PARD3B: variants seen among roughly 807,000 people sequenced by gnomAD.
PARD3B encodes par-3 family cell polarity regulator beta, also known as partitioning defective 3 homolog B.
In PARD3B, 103 loss-of-function variants were observed where a neutral mutation model predicts 130.2. The ratio of observed to expected loss-of-function variants is 0.79; its 90% CI spans 0.67 to 0.93. The LOEUF (loss-of-function observed/expected upper bound fraction) is 0.93, where lower values mean the gene tolerates loss of function less well. Ranked by LOEUF, PARD3B falls within the 40% of genes least tolerant of loss-of-function variation. The pLI is 0.00. For missense variants in PARD3B, 1,609 were observed against 1,499.2 expected (o/e 1.07, Z -1.21); for synonymous variants, 583 against 553.2 (o/e 1.05, Z -0.76).
intron 4 of PARD3B, among the ~76,000 whole-genome samples, chr2:205,081,402 T>C (rs1233036232): frequency 6.6e-6 from 1 of 152,120 alleles, no homozygotes; most frequent in Non-Finnish European, 1.5e-5. Context: ...TATTACTTTC[T>C]AGTCTATGCC....
rs1270584016 is a variant in PARD3B, at chr2:205,619,694, A to G, written c.*3881A>G. ...GTTAGATATCTAAAATAAGCCTAGA[A>G]TCTCACACACAGCTGTGACTTCTAA... On this transcript the variant is annotated 3_prime_UTR_variant, in exon 23 of 23. Transcript: ENST00000406610. The G allele has an allele frequency of 6.6e-6, 1 of 152,214 alleles. No homozygotes were observed. The highest frequency in any genetic ancestry group is 1.5e-5 in the Non-Finnish European group (1 of 68,030). 9.4% of individuals were successfully genotyped at this position (152,214 alleles called of 1,614,324 possible).
intron 3 of PARD3B, among the ~76,000 whole-genome samples, chr2:204,966,708 T>C (rs918452000): frequency 4.6e-5 from 7 of 152,182 alleles, no homozygotes; most frequent in Non-Finnish European, 7.3e-5. Context: ...TTTGTTGGAA[T>C]ATTGAAACAA....
At chr2:205,092,074 A>G (rs1303198707) in intron 4 of PARD3B, among the ~76,000 whole-genome samples, 1 of 152,186 alleles carries the variant, frequency 6.6e-6, no homozygotes, top group African/African-American at 2.4e-5. Flanking sequence ...GCAGAAGGCT[A>G]CTAGAGGGAG....
chr2:204,698,281 C>T (rs769627583), intron 2 of PARD3B, among the ~76,000 whole-genome samples: 18 of 152,104 alleles, frequency 1.2e-4, no homozygotes, highest in Non-Finnish European at 4.4e-5. Flanking sequence ...GTCCTAACCT[C>T]TTTCAGTTCT....
At chr2:205,553,867 C>T (rs1245614107) in intron 22 of PARD3B, among the ~76,000 whole-genome samples, 1 of 152,086 alleles carries the variant, frequency 6.6e-6, no homozygotes, top group African/African-American at 2.4e-5. Context: ...ACCTTGTTCT[C>T]AAGGCAATAA....
At chr2:205,457,408 G>T (rs1459477673) in intron 20 of PARD3B, among the ~76,000 whole-genome samples, 1 of 151,444 alleles carries the variant, frequency 6.6e-6, no homozygotes, top group Admixed American at 6.6e-5. Context: ...TGTCAATCTT[G>T]TAGATTTTAG....
intron 4 of PARD3B, among the ~76,000 whole-genome samples, chr2:205,054,431 TA>T (rs1244662190): frequency 0.078 from 2,425 of 31,044 alleles, 53 homozygotes; most frequent in East Asian, 0.16. Flanking sequence ...TATATATATA[TA>T]TATATTTTTT....
intron 4 of PARD3B, 172 bp downstream of exon 4, chr2:205,047,862 T>C: frequency 4.1e-6 from 2 of 490,776 alleles, no homozygotes; most frequent in South Asian, 3.6e-5. Context: ...TATATAGTTA[T>C]AGCGATAGCT....
rs182396115 is a variant in PARD3B, at chr2:205,036,139, T to C, written c.395-11442T>C. Reference sequence around the variant, plus strand: ...TTCATTATACAGAGGTACATATATATTATATATATATAAAAAATATGTAGT... The same window carrying C: ...TTCATTATACAGAGGTACATATATACTATATATATATAAAAAATATGTAGT... On this transcript the variant is annotated intron_variant, in intron 3 of 22. Transcript: ENST00000406610. Among the ~76,000 whole-genome samples the C allele has an allele frequency of 3.3e-3, 476 of 145,476 alleles. 3 individuals are homozygous for C. Among genetic ancestry groups the C allele is most frequent in the African/African-American group, 0.011 (438 of 40,012 alleles).
intron 18 of PARD3B, among the ~76,000 whole-genome samples, chr2:205,329,994 A>AAAATAAAT (rs199881710): frequency 0.13 from 8,441 of 62,642 alleles, 359 homozygotes; most frequent in East Asian, 0.29. Flanking sequence ...ACGCCGTCTC[A>AAAATAAAT]AAATAAATAA....
chr2:204,640,368 G>A (rs1442555587), intron 1 of PARD3B, among the ~76,000 whole-genome samples: 1 of 152,154 alleles, frequency 6.6e-6, no homozygotes, highest in African/African-American at 2.4e-5. Flanking sequence ...TTCCTGTCCT[G>A]TTCAGCTCAT....
chr2:204,647,564 A>C (rs1295208995), intron 1 of PARD3B, among the ~76,000 whole-genome samples: 1 of 151,818 alleles, frequency 6.6e-6, no homozygotes, highest in Admixed American at 6.6e-5. Context: ...AAATGGCCAT[A>C]TTGCACTGTC....
intron 15 of PARD3B, among the ~76,000 whole-genome samples, chr2:205,240,999 T>G (rs1456901914): frequency 6.6e-6 from 1 of 152,204 alleles, no homozygotes; most frequent in Non-Finnish European, 1.5e-5. Context: ...TTCCCCTGTA[T>G]TTTCTTTCTC....
chr2:205,499,834 C>T (rs2050091093), intron 20 of PARD3B, 62 bp from the exon 21 acceptor site: 1 of 1,473,276 alleles, frequency 6.8e-7, no homozygotes, highest in Non-Finnish European at 9.2e-7. Context: ...CAAGAAGATC[C>T]AAAAGTGATT....
chr2:205,004,489 G>C (rs532388324), intron 3 of PARD3B, among the ~76,000 whole-genome samples: 1 of 152,136 alleles, frequency 6.6e-6, no homozygotes, highest in African/African-American at 2.4e-5. Flanking sequence ...AAACGTTCTT[G>C]CAATAATGCT....
Position 204,935,888 on chromosome 2 carries a change from T to C in PARD3B, c.223-29264T>C, listed in dbSNP as rs548815555. ...TGGAAAATCAGAGCTGATGGTAGGC[T>C]ATTGTGAGGCTTTTTCTTTTTAGTT... On this transcript the variant is annotated intron_variant, in intron 2 of 22. Transcript: ENST00000406610. Among the ~76,000 whole-genome samples, 4 of 152,334 alleles carry C rather than the reference T, an allele frequency of 2.6e-5. No homozygotes were observed. The East Asian group carries it at 7.7e-4, about 29-fold the overall frequency.
Position 204,812,710 on chromosome 2 carries a change from C to G in PARD3B, c.222+126428C>G, listed in dbSNP as rs1028621230. 1.1e-4 allele frequency among the ~76,000 whole-genome samples: 17 copies of G among 152,260 alleles called. No homozygotes were observed. The Middle Eastern group carries it at 0.014, about 122-fold the overall frequency. On this transcript the variant is annotated intron_variant, in intron 2 of 22. Transcript: ENST00000406610. ...TCATATACCAGTTAAACTTAGCCTCCTAGTGCACGTGCTACAGCCCACTTG... is the reference window on the plus strand; with the variant it reads ...TCATATACCAGTTAAACTTAGCCTCGTAGTGCACGTGCTACAGCCCACTTG...
intron 18 of PARD3B, among the ~76,000 whole-genome samples, chr2:205,382,015 C>G (rs1218272505): frequency 1.3e-5 from 2 of 151,938 alleles, no homozygotes; most frequent in Non-Finnish European, 2.9e-5. Context: ...CAATAATTAC[C>G]CCCAATGTTA....
intron 18 of PARD3B, among the ~76,000 whole-genome samples, chr2:205,344,242 C>T (rs539247180): frequency 9.7e-4 from 140 of 144,016 alleles, no homozygotes; most frequent in African/African-American, 3.5e-3. Context: ...ACACAGAGTA[C>T]GCCACAGAGA....
Sources: allele counts gnomAD v4.1 joint callset (sites outside exome capture counted in the v4.1 genomes callset), GRCh38; gene constraint gnomAD v4.1.1; transcripts MANE v1.5; gene names NCBI Gene and HGNC (gene_info 2026-07-23, HGNC 2026-07-21).